ARHGAP24: variants seen among roughly 807,000 people sequenced by gnomAD.
ARHGAP24 encodes the protein Rho GTPase activating protein 24, also known as rho GTPase-activating protein 24.
ARHGAP24 carries 50 observed loss-of-function variants against 76.4 expected under a neutral mutation model. That is an observed-to-expected ratio of 0.65 (90% CI 0.52 to 0.83). The LOEUF is 0.83. Among genes scored for constraint, ARHGAP24 ranks in the 40% least tolerant of loss-of-function variants. The probability of loss-of-function intolerance (pLI) is 0.00; values close to 1 mark genes in which losing one functional copy is unlikely to be tolerated. For synonymous variants in ARHGAP24, 345 were observed against 323.3 expected (o/e 1.07, Z -0.72); for missense variants, 930 against 914.2 (o/e 1.02, Z -0.22).
chr4:85,756,151 A>C (rs540794758), intron 3 of ARHGAP24, among the ~76,000 whole-genome samples: 33 of 152,342 alleles, frequency 2.2e-4, no homozygotes, highest in Admixed American at 4.6e-4. Flanking sequence ...ATATCTTACA[A>C]TAGATTACAA....
rs1215555359 is a variant in ARHGAP24 at position 85,886,558 on chromosome 4, C to T, written c.269-37090C>T. ...CTTGAGTTGAGGCCACCCAAACTTACGGAGAGAAAGGGAATGATAGTCATT... is the reference window on the plus strand; with the variant it reads ...CTTGAGTTGAGGCCACCCAAACTTATGGAGAGAAAGGGAATGATAGTCATT... On this transcript the variant is annotated intron_variant, in intron 3 of 9. Coordinates refer to ENST00000395184, the MANE Select transcript of ARHGAP24 (RefSeq NM_001025616.3). Among the ~76,000 whole-genome samples the T allele has an allele frequency of 3.3e-5, 5 of 152,004 alleles. No individual in the cohort carries two copies. In the South Asian group the frequency reaches 6.2e-4, roughly 19 times the overall value.
chr4:85,949,301 C>T (rs1019019733), intron 5 of ARHGAP24, among the ~76,000 whole-genome samples: 4 of 152,098 alleles, frequency 2.6e-5, no homozygotes, highest in Admixed American at 6.6e-5. Flanking sequence ...AATGACTGTT[C>T]GAGGTATCTA....
At chr4:85,542,735 C>G (rs1725752633) in intron 1 of ARHGAP24, among the ~76,000 whole-genome samples, 1 of 152,084 alleles carries the variant, frequency 6.6e-6, no homozygotes, top group Admixed American at 6.6e-5. Context: ...ACAATGAATA[C>G]AGTGTATTAA....
intron 1 of ARHGAP24, among the ~76,000 whole-genome samples, chr4:85,541,861 CTTTT>C (rs1317242176): frequency 9.9e-5 from 15 of 152,098 alleles, no homozygotes; most frequent in African/African-American, 3.6e-4. Context: ...AAACAATGAG[CTTTT>C]ATTCTTCACG....
chr4:85,733,060 C>CTTTTTTTTTTTTTTTCTTTTTTTTTTT (rs1725471487), intron 3 of ARHGAP24, among the ~76,000 whole-genome samples: 1 of 55,206 alleles, frequency 1.8e-5, no homozygotes. Context: ...GCCTCACCAA[C>CTTTTTTTTTTTTTTTCTTTTTTTTTTT]TTTTTTTTTT....
At chr4:85,956,551 C>T (rs1344781137) in intron 5 of ARHGAP24, among the ~76,000 whole-genome samples, 2 of 152,144 alleles carry the variant, frequency 1.3e-5, no homozygotes, top group African/African-American at 2.4e-5. Context: ...GGAATGGAAT[C>T]TTGGTCCATG....
chr4:85,810,232 C>G (rs17011002), intron 3 of ARHGAP24, among the ~76,000 whole-genome samples: 20,412 of 152,118 alleles, frequency 0.13, 1,494 homozygotes, highest in South Asian at 0.19. Context: ...CTCAAAATAG[C>G]CATGTAACTT....
At chr4:85,624,613 G>A (rs1720864326) in intron 2 of ARHGAP24, among the ~76,000 whole-genome samples, 1 of 152,166 alleles carries the variant, frequency 6.6e-6, no homozygotes, top group Admixed American at 6.5e-5. Context: ...AATGAGTTAT[G>A]GAGGATTCCC....
chr4:85,690,758 GT>G (rs57175662), intron 2 of ARHGAP24, among the ~76,000 whole-genome samples: 5,655 of 130,660 alleles, frequency 0.043, 251 homozygotes, highest in African/African-American at 0.15. Context: ...TGTCAATCTT[GT>G]TTTTTTTTTT....
At chr4:85,784,706 C>T (rs1727723557) in intron 3 of ARHGAP24, among the ~76,000 whole-genome samples, 2 of 152,100 alleles carry the variant, frequency 1.3e-5, no homozygotes, top group South Asian at 4.2e-4. Flanking sequence ...CATCTTTCAT[C>T]TCCTCCATCA....
At position 86,001,538 on chromosome 4, in the gene ARHGAP24, T is replaced by G. The variant is rs1452821336; in HGVS notation, c.*816T>G. On this transcript the variant is annotated 3_prime_UTR_variant, in exon 10 of 10. Transcript: ENST00000395184. ...ACGATTCAGGCTTTGAATTACTCTG[T>G]CCCTCTGGACCGAATCTCTTTAACT... 2.5e-6 allele frequency: 1 copy of G among 397,800 alleles called. No individual in the cohort carries two copies. The highest frequency in any genetic ancestry group is 3.6e-5 in the East Asian group (1 of 28,072). 24.6% of individuals were successfully genotyped at this position (397,800 alleles called of 1,614,324 possible).
intron 2 of ARHGAP24, among the ~76,000 whole-genome samples, chr4:85,571,349 A>C (rs1727133069): frequency 6.6e-6 from 1 of 152,252 alleles, no homozygotes; most frequent in African/African-American, 2.4e-5. Flanking sequence ...AGAGAGAAGA[A>C]TAATCTTCAT....
At chr4:85,591,042 T>TTTTTG (rs1209611644) in intron 2 of ARHGAP24, among the ~76,000 whole-genome samples, 4 of 133,794 alleles carry the variant, frequency 3.0e-5, no homozygotes, top group African/African-American at 1.1e-4. Flanking sequence ...TTTTTTTTTT[T>TTTTTG]TTTTTTTTTT....
chr4:85,869,913 T>A (rs1303868459), intron 3 of ARHGAP24, among the ~76,000 whole-genome samples: 1 of 152,162 alleles, frequency 6.6e-6, no homozygotes, highest in Non-Finnish European at 1.5e-5. Flanking sequence ...GGGCTATGCA[T>A]CCACACTGCC....
At chr4:85,515,965 AT>A (rs1724482865) in intron 1 of ARHGAP24, among the ~76,000 whole-genome samples, 1 of 152,054 alleles carries the variant, frequency 6.6e-6, no homozygotes, top group South Asian at 2.1e-4. Context: ...ATCTTTGCCT[AT>A]TTAATATGTG....
chr4:85,960,922 C>T (rs1484886089), intron 5 of ARHGAP24, among the ~76,000 whole-genome samples: 1 of 152,072 alleles, frequency 6.6e-6, no homozygotes, highest in Non-Finnish European at 1.5e-5. Context: ...TATCGATGCA[C>T]TATACTTCCA....
intron 3 of ARHGAP24, among the ~76,000 whole-genome samples, chr4:85,894,662 T>C (rs149269722): frequency 6.6e-6 from 1 of 152,180 alleles, no homozygotes; most frequent in East Asian, 1.9e-4. Flanking sequence ...ATAAAAATGA[T>C]ATAATGGACT....
chr4:85,489,846 G>A (rs72970784), intron 1 of ARHGAP24, among the ~76,000 whole-genome samples: 8,931 of 152,192 alleles, frequency 0.059, 872 homozygotes, highest in African/African-American at 0.2. Context: ...TGTTTAGCAA[G>A]TAACACTCGG....
chr4:85,755,627 T>TG (rs1465360975), intron 3 of ARHGAP24, among the ~76,000 whole-genome samples: 9 of 17,324 alleles, frequency 5.2e-4, no homozygotes, highest in South Asian at 0.01. Flanking sequence ...TATTCTTTTG[T>TG]TTTGTTTTGT....
Sources: allele counts gnomAD v4.1 joint callset (sites outside exome capture counted in the v4.1 genomes callset), GRCh38; gene constraint gnomAD v4.1.1; transcripts MANE v1.5; gene names NCBI Gene and HGNC (gene_info 2026-07-23, HGNC 2026-07-21).